CCDC178: variants seen among roughly 807,000 people sequenced by gnomAD.
CCDC178 encodes coiled-coil domain containing 178.
A neutral mutation model predicts 117.4 loss-of-function variants in CCDC178; 126 were observed. The ratio of observed to expected loss-of-function variants is 1.07; its 90% CI spans 0.93 to 1.24. The LOEUF (loss-of-function observed/expected upper bound fraction) is 1.24, where lower values mean the gene tolerates loss of function less well. CCDC178 is among the 50% of genes most tolerant of loss of function. The probability of loss-of-function intolerance (pLI) is 0.00; values close to 1 mark genes in which losing one functional copy is unlikely to be tolerated. For synonymous variants in CCDC178, 283 were observed against 313.4 expected, an observed-to-expected ratio of 0.90 and a Z score of 1.02; for missense variants, 1,030 against 986.9, an observed-to-expected ratio of 1.04 and a Z score of -0.59.
intron 21 of CCDC178, among the ~76,000 whole-genome samples, chr18:33,025,875 T>C (rs1238903089): frequency 6.6e-6 from 1 of 152,136 alleles, no homozygotes; most frequent in Admixed American, 6.6e-5. Flanking sequence ...CTCTCAGGCA[T>C]TCGTCCCAGA....
At chr18:33,164,316 C>T (rs541732257) in intron 20 of CCDC178, among the ~76,000 whole-genome samples, 36 of 151,930 alleles carry the variant, frequency 2.4e-4, no homozygotes, top group Non-Finnish European at 4.0e-4. Context: ...TCAGGCTGGT[C>T]TCGAGCTCCC....
intron 10 of CCDC178, chr18:33,328,194 C>A (rs561654574): frequency 7.6e-6 from 2 of 262,602 alleles, no homozygotes; most frequent in South Asian, 3.5e-5. Flanking sequence ...CCCCGCCCCA[C>A]CGGGCTCAAG....
intron 21 of CCDC178, among the ~76,000 whole-genome samples, chr18:33,076,140 A>C (rs2057202774): frequency 6.6e-6 from 1 of 152,148 alleles, no homozygotes; most frequent in Non-Finnish European, 1.5e-5. Flanking sequence ...CATCAGAGAA[A>C]AGCCCTAAGA....
chr18:32,985,043 C>A (rs942322783), intron 21 of CCDC178, among the ~76,000 whole-genome samples: 1 of 151,680 alleles, frequency 6.6e-6, no homozygotes, highest in African/African-American at 2.4e-5. Flanking sequence ...TGCAAAAAAT[C>A]AAGAAAATGC....
intron 9 of CCDC178, among the ~76,000 whole-genome samples, chr18:33,342,103 G>A (rs1001964286): frequency 1.8e-4 from 28 of 152,104 alleles, no homozygotes; most frequent in Non-Finnish European, 2.9e-4. Context: ...AGTAATCAAG[G>A]CTTATTGGAC....
chr18:33,377,168 T>A (rs1326688419), intron 5 of CCDC178, among the ~76,000 whole-genome samples: 1 of 152,236 alleles, frequency 6.6e-6, no homozygotes. Context: ...TGCTATCTCA[T>A]TGTGGTTTTC....
chr18:33,144,239 A>G (rs2058244343), intron 20 of CCDC178, among the ~76,000 whole-genome samples: 1 of 152,066 alleles, frequency 6.6e-6, no homozygotes, highest in Non-Finnish European at 1.5e-5. Context: ...ACCATCTCCA[A>G]CTGTGAACTA....
Position 33,390,334 on chromosome 18 carries a change from C to T in CCDC178, c.119-705G>A, listed in dbSNP as rs574119334. Among the ~76,000 whole-genome samples, 26 of 152,012 alleles carry T rather than the reference C, an allele frequency of 1.7e-4. 1 individual carries two copies. In the South Asian group the frequency reaches 5.2e-3, roughly 30 times the overall value. ...TTAATGCAGCAACTCCAGTCCTAAGCTTTTAACAAACAGAAATCAAAGTAT... is the reference window on the plus strand; with the variant it reads ...TTAATGCAGCAACTCCAGTCCTAAGTTTTTAACAAACAGAAATCAAAGTAT... On this transcript the variant is annotated intron_variant, in intron 4 of 22. Transcript: ENST00000383096.
At chr18:33,176,301 T>C in intron 20 of CCDC178, among the ~76,000 whole-genome samples, 1 of 152,208 alleles carries the variant, frequency 6.6e-6, no homozygotes, top group East Asian at 1.9e-4. Flanking sequence ...TCCATAGCTC[T>C]GTAACCCCCT....
intron 21 of CCDC178, among the ~76,000 whole-genome samples, chr18:32,995,196 G>A (rs1479634525): frequency 6.6e-6 from 1 of 152,058 alleles, no homozygotes; most frequent in African/African-American, 2.4e-5. Flanking sequence ...AGGAACTTAT[G>A]GCACATAATT....
intron 12 of CCDC178, among the ~76,000 whole-genome samples, chr18:33,291,044 C>A: frequency 6.6e-6 from 1 of 151,906 alleles, no homozygotes; most frequent in Admixed American, 6.6e-5. Context: ...GAAGGCAGAG[C>A]GAGAAAAACA....
chr18:33,115,394 A>C (rs1470316239), intron 20 of CCDC178, among the ~76,000 whole-genome samples: 2 of 152,072 alleles, frequency 1.3e-5, no homozygotes, highest in East Asian at 3.9e-4. Context: ...TTTATGAAAA[A>C]GTCAATTCTC....
At chr18:32,962,037 C>T (rs2054715123) in intron 22 of CCDC178, among the ~76,000 whole-genome samples, 3 of 150,592 alleles carry the variant, frequency 2.0e-5, no homozygotes, top group Admixed American at 6.6e-5. Context: ...TTTAGAATTC[C>T]ATGTTAATCT....
At chr18:33,410,441 T>C (rs2063834441) in intron 3 of CCDC178, among the ~76,000 whole-genome samples, 1 of 152,014 alleles carries the variant, frequency 6.6e-6, no homozygotes, top group Non-Finnish European at 1.5e-5. Context: ...TAAATGAAAA[T>C]GAAATAACAT....
chr18:33,440,820 G>C (rs2064378258), upstream of CCDC178: 1 of 153,736 alleles, frequency 6.5e-6, no homozygotes, highest in Non-Finnish European at 1.5e-5. Context: ...CCTGGCTCGA[G>C]CCCTTAGCCC....
chr18:32,954,682 TGACTTCAAAGGAACAGAAAGCAGTATCA>T (rs1447122574), intron 22 of CCDC178: 3 of 152,104 alleles, frequency 2.0e-5, no homozygotes, highest in Non-Finnish European at 2.9e-5. Context: ...GTGATGGAAA[TGACTTCAAAGGAACAGAAAGCAGTATCA>T]GACAGTCCCC....
At chr18:33,214,106 A>AGCTAAGCTGT in intron 19 of CCDC178, among the ~76,000 whole-genome samples, 3 of 152,044 alleles carry the variant, frequency 2.0e-5, no homozygotes, top group Non-Finnish European at 4.4e-5. Flanking sequence ...AGCTAAGCTG[A>AGCTAAGCTGT]AGCTACCTCT....
chr18:33,389,794 T>C (rs1469578888), intron 4 of CCDC178, among the ~76,000 whole-genome samples, 165 bp from the exon 5 acceptor site: 1 of 151,852 alleles, frequency 6.6e-6, no homozygotes, highest in Non-Finnish European at 1.5e-5. Context: ...TATCTTCAGA[T>C]ATTTTCTCTA....
intron 21 of CCDC178, among the ~76,000 whole-genome samples, chr18:32,992,041 G>C (rs1260000969): frequency 6.6e-6 from 1 of 152,178 alleles, no homozygotes; most frequent in Non-Finnish European, 1.5e-5. Flanking sequence ...AAGTCAACAT[G>C]TAGAAACTTG....
Sources: allele counts gnomAD v4.1 joint callset (sites outside exome capture counted in the v4.1 genomes callset), GRCh38; gene constraint gnomAD v4.1.1; transcripts MANE v1.5; gene names NCBI Gene and HGNC (gene_info 2026-07-23, HGNC 2026-07-21).